Variants in ZEB1 observed in about 807,000 individuals in gnomAD.
The protein encoded by ZEB1 is zinc finger E-box-binding homeobox 1.
In ZEB1, 21 loss-of-function variants were observed where a neutral mutation model predicts 84.9. The ratio of observed to expected loss-of-function variants is 0.25; its 90% confidence interval spans 0.18 to 0.36. ZEB1 has a LOEUF of 0.36. ZEB1 is among the 10% of genes least tolerant of loss of function. The probability of loss-of-function intolerance (pLI) is 1.00; values close to 1 mark genes in which losing one functional copy is unlikely to be tolerated. For synonymous variants in ZEB1, 420 were observed against 471.1 expected, an observed-to-expected ratio of 0.89 and a Z score of 1.41; for missense variants, 1,104 against 1,330.2, an observed-to-expected ratio of 0.83 and a Z score of 2.65.
rs949414874 is a variant in ZEB1 at position 31,340,705 on chromosome 10, A to G, written c.58+21413A>G. Among the ~76,000 whole-genome samples, 6 of 152,328 alleles carry G rather than the reference A, an allele frequency of 3.9e-5. No homozygotes were observed. The South Asian group carries it at 1.2e-3, about 32-fold the overall frequency. Reference sequence around the variant, plus strand: ...ATACAGTCACAAAACAGACACTTGTATAAAGCATGGTCACTATAATACAGA... The same window carrying G: ...ATACAGTCACAAAACAGACACTTGTGTAAAGCATGGTCACTATAATACAGA... On this transcript the variant is annotated intron_variant, in intron 1 of 8. Coordinates refer to ENST00000424869, the MANE Select transcript of ZEB1 (RefSeq NM_001174096.2).
chr10:31,474,970 C>T (rs1218675564), intron 2 of ZEB1, among the ~76,000 whole-genome samples: 2 of 149,728 alleles, frequency 1.3e-5, no homozygotes, highest in East Asian at 4.0e-4. Context: ...AACAAAAAAT[C>T]AAACACCGCA....
intron 1 of ZEB1, among the ~76,000 whole-genome samples, chr10:31,382,642 CT>C (rs1353072065): frequency 1.3e-5 from 2 of 151,954 alleles, no homozygotes; most frequent in Non-Finnish European, 2.9e-5. Context: ...GAGAGAATAC[CT>C]TTACATCTCA....
At chr10:31,456,616 TA>T (rs1034803968) in intron 1 of ZEB1, among the ~76,000 whole-genome samples, 1 of 152,126 alleles carries the variant, frequency 6.6e-6, no homozygotes, top group Admixed American at 6.6e-5. Context: ...CCTTTGCACA[TA>T]ATGAAGTATG....
At chr10:31,322,751 C>G (rs1247356532) in intron 1 of ZEB1, among the ~76,000 whole-genome samples, 1 of 145,524 alleles carries the variant, frequency 6.9e-6, no homozygotes, top group Non-Finnish European at 1.5e-5. Context: ...CTTGTTCTAC[C>G]TTTTTTTTTT....
chr10:31,337,737 G>A (rs2038476077), intron 1 of ZEB1, among the ~76,000 whole-genome samples: 1 of 140,782 alleles, frequency 7.1e-6, no homozygotes, highest in Non-Finnish European at 1.5e-5. Context: ...CCAGGCTGGA[G>A]TGCAATGGCG....
intron 1 of ZEB1, among the ~76,000 whole-genome samples, chr10:31,361,437 G>A (rs2043047314): frequency 6.6e-6 from 1 of 152,198 alleles, no homozygotes; most frequent in African/African-American, 2.4e-5. Context: ...AAATTAAAAA[G>A]TAAACTTTAA....
chr10:31,502,226 A>G, intron 3 of ZEB1, 122 bp from the exon 4 acceptor site: 1 of 990,418 alleles, frequency 1.0e-6, no homozygotes. Flanking sequence ...TTTTCAAGAA[A>G]TATTTTCTGC....
In ZEB1 at chr10:31,461,304, A is replaced by C; in HGVS notation, c.259+67A>C. On this transcript the variant is annotated intron_variant, in intron 2 of 8. Transcript: ENST00000424869. The stretch of plus-strand genomic sequence containing the variant: ...CGTTTTTTAAAATATATATTAACTG[A>C]AAAGATAAATTGGATGAAAAGTTTG... 4.1e-6 allele frequency: 6 copies of C among 1,465,384 alleles called. No homozygotes were observed. In the South Asian group the frequency reaches 6.2e-5, roughly 15 times the overall value. 90.8% of individuals were successfully genotyped at this position (1,465,384 alleles called of 1,614,324 possible).
chr10:31,476,262 A>T (rs1234455896), intron 2 of ZEB1, among the ~76,000 whole-genome samples: 3 of 152,098 alleles, frequency 2.0e-5, no homozygotes, highest in African/African-American at 7.2e-5. Context: ...GCACAATCAG[A>T]AATGATAAAG....
intron 1 of ZEB1, among the ~76,000 whole-genome samples, chr10:31,349,687 T>C (rs957958807): frequency 6.6e-6 from 1 of 152,216 alleles, no homozygotes; most frequent in Non-Finnish European, 1.5e-5. Context: ...TGAGCACTAT[T>C]TCATATACCT....
intron 2 of ZEB1, among the ~76,000 whole-genome samples, chr10:31,483,866 C>T (rs1310114049): frequency 6.6e-6 from 1 of 151,952 alleles, no homozygotes; most frequent in Non-Finnish European, 1.5e-5. Context: ...GTTGTGAGTC[C>T]ATCCCAGGTC....
intron 1 of ZEB1, chr10:31,362,893 ACT>A (rs2043585443): frequency 5.1e-6 from 7 of 1,376,196 alleles, no homozygotes; most frequent in Middle Eastern, 2.5e-4. Flanking sequence ...TCTACTTAAC[ACT>A]CTCATGTTCT....
chr10:31,344,969 T>C (rs2040045953), intron 1 of ZEB1, among the ~76,000 whole-genome samples: 1 of 152,150 alleles, frequency 6.6e-6, no homozygotes, highest in Non-Finnish European at 1.5e-5. Flanking sequence ...CCAGAGGAGA[T>C]GTCTGATATT....
intron 1 of ZEB1, among the ~76,000 whole-genome samples, chr10:31,389,114 C>T (rs1295314203): frequency 6.6e-6 from 1 of 151,922 alleles, no homozygotes; most frequent in Non-Finnish European, 1.5e-5. Context: ...AAAATGGGGA[C>T]CTATGAGATC....
At chr10:31,522,739 CTA>C (rs1184204397) in intron 7 of ZEB1, among the ~76,000 whole-genome samples, 2 of 152,090 alleles carry the variant, frequency 1.3e-5, no homozygotes, top group Non-Finnish European at 2.9e-5. Flanking sequence ...CAAATGAATA[CTA>C]GAGACAAATT....
intron 1 of ZEB1, among the ~76,000 whole-genome samples, chr10:31,326,329 CT>C (rs1482058818): frequency 6.6e-6 from 1 of 152,152 alleles, no homozygotes; most frequent in African/African-American, 2.4e-5. Context: ...ACGTTTTCTC[CT>C]TTCTACCCTA....
chr10:31,467,406 T>G (rs549933453), intron 2 of ZEB1, among the ~76,000 whole-genome samples: 6 of 152,192 alleles, frequency 3.9e-5, no homozygotes, highest in African/African-American at 1.4e-4. Context: ...GGCCCATGCA[T>G]GTTCACATGA....
intron 1 of ZEB1, among the ~76,000 whole-genome samples, chr10:31,370,109 C>A (rs575709026): frequency 6.6e-6 from 1 of 152,130 alleles, no homozygotes; most frequent in East Asian, 1.9e-4. Context: ...GATATTAACC[C>A]CTTATTAAAT....
intron 1 of ZEB1, among the ~76,000 whole-genome samples, chr10:31,453,483 CAT>C (rs1410854365): frequency 6.9e-4 from 105 of 152,202 alleles, no homozygotes; most frequent in African/African-American, 2.4e-3. Flanking sequence ...GAACCATACT[CAT>C]ATAAGTTATC....
Sources: gnomAD v4.1 joint callset for allele counts (sites outside exome capture counted in the v4.1 genomes callset) on GRCh38, gnomAD v4.1.1 for gene constraint, MANE v1.5 for transcripts, NCBI Gene and HGNC (gene_info 2026-07-23, HGNC 2026-07-21) for gene names.